DNAH11: variants seen among roughly 807,000 people sequenced by gnomAD.
DNAH11 encodes the protein axonemal beta dynein heavy chain 11.
DNAH11 carries 442 observed loss-of-function variants against 526.0 expected under a neutral mutation model. The ratio of observed to expected loss-of-function variants is 0.84; its 90% CI spans 0.78 to 0.91. DNAH11 has a LOEUF of 0.91. DNAH11 is among the 40% of genes least tolerant of loss of function. The probability of loss-of-function intolerance (pLI) is 0.00; values close to 1 mark genes in which losing one functional copy is unlikely to be tolerated. For missense variants in DNAH11, 6,989 were observed against 5,448.7 expected, an observed-to-expected ratio of 1.28 and a Z score of -8.90; for synonymous variants, 2,461 against 1,935.9, an observed-to-expected ratio of 1.27 and a Z score of -7.12.
At chr7:21,895,630 C>T (rs914717688) in intron 79 of DNAH11, among the ~76,000 whole-genome samples, 1 of 152,174 alleles carries the variant, frequency 6.6e-6, no homozygotes, top group Non-Finnish European at 1.5e-5. Context: ...GAGTTTCTTT[C>T]CCCCTGCTTT....
Position 21,796,100 on chromosome 7 carries a change from GTGTT to G in DNAH11, c.10027-5033_10027-5030del, listed in dbSNP as rs1448325942. Among the ~76,000 whole-genome samples the G allele has an allele frequency of 2.6e-5, 4 of 152,226 alleles. 1 individual carries two copies. In the South Asian group the frequency reaches 6.2e-4, roughly 24 times the overall value. On this transcript the variant is annotated intron_variant, in intron 61 of 81. Transcript: ENST00000409508. Reference sequence around the variant, plus strand: ...TTGCAAGGTGTTGGTTAAGAGGTAAGTGTTTGTCCTATAGGCCAGAATATACTAA... The same window carrying G: ...TTGCAAGGTGTTGGTTAAGAGGTAAGTGTCCTATAGGCCAGAATATACTAA...
intron 48 of DNAH11, among the ~76,000 whole-genome samples, chr7:21,740,855 G>A (rs1351536037): frequency 6.6e-6 from 1 of 152,084 alleles, no homozygotes; most frequent in Non-Finnish European, 1.5e-5. Flanking sequence ...GTGCATCAGG[G>A]TCCCAGTTTC....
chr7:21,603,228 G>A (rs1378871403), intron 18 of DNAH11, among the ~76,000 whole-genome samples: 2 of 152,200 alleles, frequency 1.3e-5, no homozygotes, highest in Admixed American at 6.5e-5. Context: ...TGTAGCATGT[G>A]TTGGTACTTC....
rs4355679 is a variant in DNAH11, at chr7:21,749,824, T to G, written c.8797+23T>G. 2.7e-5 allele frequency: 43 copies of G among 1,611,652 alleles called. No individual in the cohort carries two copies. The South Asian group carries it at 4.4e-4, about 17-fold the overall frequency. ...CAGGTGATTAAACCAACACATTTCT[T>G]GAAAGATCTTCCCCAATGACAAATT... On this transcript the variant is annotated intron_variant, in intron 53 of 81. Coordinates refer to ENST00000409508, the MANE Select transcript of DNAH11 (RefSeq NM_001277115.2).
At chr7:21,759,636 T>C (rs1786807824) in intron 54 of DNAH11, among the ~76,000 whole-genome samples, 3 of 152,118 alleles carry the variant, frequency 2.0e-5, no homozygotes, top group African/African-American at 7.2e-5. Flanking sequence ...GCTTCTGAAG[T>C]AAATATGTAG....
At chr7:21,704,263 A>G (rs961129165) in intron 37 of DNAH11, among the ~76,000 whole-genome samples, 171 bp from the exon 38 acceptor site, 8 of 152,344 alleles carry the variant, frequency 5.3e-5, no homozygotes, top group Admixed American at 3.9e-4. Flanking sequence ...ATGTTCTGAT[A>G]CATCAATTTT....
chr7:21,674,853 T>A (rs1366659522), intron 30 of DNAH11, among the ~76,000 whole-genome samples: 1 of 151,396 alleles, frequency 6.6e-6, no homozygotes, highest in Non-Finnish European at 1.5e-5. Context: ...CGTGCCCAAC[T>A]GCAGAAAAAA....
At chr7:21,852,304 G>A (rs1162989592) in intron 66 of DNAH11, among the ~76,000 whole-genome samples, 163 bp from the exon 67 acceptor site, 1 of 151,628 alleles carries the variant, frequency 6.6e-6, no homozygotes, top group Non-Finnish European at 1.5e-5. Flanking sequence ...CTACTCGGGA[G>A]GCTGAGGCAG....
intron 64 of DNAH11, 94 bp from the exon 65 acceptor site, chr7:21,818,123 A>G: frequency 1.6e-6 from 2 of 1,268,600 alleles, no homozygotes; most frequent in South Asian, 2.9e-5. Flanking sequence ...CCCATTTAGA[A>G]TATCTACATT....
intron 56 of DNAH11, among the ~76,000 whole-genome samples, chr7:21,776,520 A>G (rs1166933216): frequency 6.6e-6 from 1 of 152,142 alleles, no homozygotes; most frequent in African/African-American, 2.4e-5. Flanking sequence ...AACATTAGCA[A>G]TGTTCCTTCT....
chr7:21,710,849 G>A (rs1216383107), intron 41 of DNAH11, 146 bp downstream of exon 41: 2 of 857,494 alleles, frequency 2.3e-6, no homozygotes, highest in Admixed American at 3.7e-5. Context: ...TTGCTTTCCT[G>A]ATAATTTTCT....
intron 74 of DNAH11, among the ~76,000 whole-genome samples, chr7:21,873,905 C>G (rs1301376364): frequency 1.4e-5 from 2 of 147,164 alleles, no homozygotes; most frequent in Non-Finnish European, 3.0e-5. Context: ...ATTCTCCTGC[C>G]TCAGCCTCCT....
chr7:21,637,735 A>G (rs1459906088), intron 27 of DNAH11, 33 bp downstream of exon 27: 1 of 1,349,072 alleles, frequency 7.4e-7, no homozygotes, highest in Admixed American at 2.6e-5. Flanking sequence ...TAATCAATTT[A>G]CTGTAATTTT....
At chr7:21,821,122 G>A (rs1361357960) in intron 65 of DNAH11, among the ~76,000 whole-genome samples, 1 of 152,140 alleles carries the variant, frequency 6.6e-6, no homozygotes, top group Non-Finnish European at 1.5e-5. Context: ...AAGATTTAAG[G>A]ATGTTTTCTT....
At chr7:21,878,553 A>T (rs539210426) in intron 74 of DNAH11, among the ~76,000 whole-genome samples, 2 of 152,122 alleles carry the variant, frequency 1.3e-5, no homozygotes, top group African/African-American at 4.8e-5. Flanking sequence ...CTTGCCCTTT[A>T]TTTGTGGAAA....
Position 21,704,490 on chromosome 7 carries a change from C to T in DNAH11, c.6330C>T (p.Ile2110=). ...TGCCCAAAATAGTGACTGACGACAT[C>T]CCAGTGTTTCTGGGCCTGGTCGGTG... ...FNMPKIVTDD[I]PVFLGLVGDL... Residue 2110 remains isoleucine (I), a synonymous_variant, in exon 38 of 82, where the codon ATC becomes ATT. Transcript: ENST00000409508. 1 of 1,613,752 alleles carries T rather than the reference C, an allele frequency of 6.2e-7. No individual in the cohort carries two copies. The highest frequency in any genetic ancestry group is 8.5e-7 in the Non-Finnish European group (1 of 1,179,814).
intron 65 of DNAH11, among the ~76,000 whole-genome samples, chr7:21,841,180 T>TCA (rs1270086026): frequency 4.6e-5 from 7 of 152,014 alleles, no homozygotes; most frequent in Non-Finnish European, 1.0e-4. Context: ...TGAGACACTG[T>TCA]CACACACACA....
chr7:21,683,969 G>C, intron 32 of DNAH11, 25 bp downstream of exon 32: 2 of 1,608,870 alleles, frequency 1.2e-6, no homozygotes, highest in Middle Eastern at 1.7e-4. Context: ...TTTCCGTCCA[G>C]ATAGGAAAAA....
intron 6 of DNAH11, among the ~76,000 whole-genome samples, chr7:21,568,483 G>A (rs1181566923): frequency 6.6e-6 from 1 of 152,150 alleles, no homozygotes; most frequent in Non-Finnish European, 1.5e-5. Flanking sequence ...CCCCTAGTAG[G>A]GTCACAGCCA....
Sources: gnomAD v4.1 joint callset for allele counts (sites outside exome capture counted in the v4.1 genomes callset) on GRCh38, gnomAD v4.1.1 for gene constraint, MANE v1.5 for transcripts, NCBI Gene and HGNC (gene_info 2026-07-23, HGNC 2026-07-21) for gene names.